PEX5L: variants seen among roughly 807,000 people sequenced by gnomAD.
PEX5L encodes peroxisomal biogenesis factor 5 like.
PEX5L carries 30 observed loss-of-function variants against 84.0 expected under a neutral mutation model. The ratio of observed to expected loss-of-function variants is 0.36; its 90% CI spans 0.27 to 0.48. The LOEUF (loss-of-function observed/expected upper bound fraction) is 0.48. Among genes scored for constraint, PEX5L ranks in the 20% least tolerant of loss-of-function variants. The probability of loss-of-function intolerance (pLI) is 0.99; values close to 1 mark genes in which losing one functional copy is unlikely to be tolerated. For missense variants in PEX5L, 533 were observed against 754.6 expected (o/e 0.71, Z 3.44); for synonymous variants, 270 against 283.1 (o/e 0.95, Z 0.46).
intron 9 of PEX5L, among the ~76,000 whole-genome samples, chr3:179,817,800 A>C (rs1163803747): frequency 6.6e-6 from 1 of 152,192 alleles, no homozygotes; most frequent in African/African-American, 2.4e-5. Context: ...CCCCATCAAA[A>C]GCCACAGGGT....
chr3:179,812,991 G>T (rs1290411196), intron 10 of PEX5L, among the ~76,000 whole-genome samples: 4 of 151,790 alleles, frequency 2.6e-5, no homozygotes, highest in Admixed American at 1.3e-4. Context: ...TCCTCTCATG[G>T]GTTATAATTA....
intron 2 of PEX5L, among the ~76,000 whole-genome samples, chr3:179,945,161 A>G (rs1179460513): frequency 1.3e-5 from 2 of 152,196 alleles, no homozygotes; most frequent in African/African-American, 4.8e-5. Context: ...CGTGGTCTTC[A>G]TATCACATCT....
intron 1 of PEX5L, among the ~76,000 whole-genome samples, chr3:180,016,636 T>C (rs1331817296): frequency 3.3e-5 from 5 of 152,176 alleles, no homozygotes; most frequent in Non-Finnish European, 7.4e-5. Flanking sequence ...GTGCTCTCAA[T>C]AAATGCCTGA....
At chr3:179,859,943 A>T (rs1447528670) in intron 7 of PEX5L, among the ~76,000 whole-genome samples, 2 of 152,256 alleles carry the variant, frequency 1.3e-5, no homozygotes, top group African/African-American at 4.8e-5. Context: ...AAAATTAATC[A>T]TAGAAAATAA....
intron 2 of PEX5L, among the ~76,000 whole-genome samples, chr3:179,943,507 C>T (rs919725868): frequency 9.2e-5 from 14 of 152,334 alleles, no homozygotes; most frequent in African/African-American, 3.4e-4. Context: ...GTGAGGAGAA[C>T]AGAAACTCAT....
intron 8 of PEX5L, among the ~76,000 whole-genome samples, chr3:179,857,678 T>C (rs1301052454): frequency 6.6e-6 from 1 of 152,246 alleles, no homozygotes; most frequent in Non-Finnish European, 1.5e-5. Context: ...CATTTAAATG[T>C]CTTTACTTAC....
chr3:179,946,723 A>G (rs1777648802), intron 2 of PEX5L, among the ~76,000 whole-genome samples: 1 of 152,220 alleles, frequency 6.6e-6, no homozygotes, highest in South Asian at 2.1e-4. Flanking sequence ...AAATCTTCAC[A>G]TTATTCCAGT....
chr3:179,856,870 T>C (rs1744178484), intron 8 of PEX5L, among the ~76,000 whole-genome samples: 1 of 152,140 alleles, frequency 6.6e-6, no homozygotes, highest in South Asian at 2.1e-4. Flanking sequence ...ACTTACAGGG[T>C]TTTAGTATAT....
chr3:179,935,846 ATTAG>A, intron 2 of PEX5L, among the ~76,000 whole-genome samples: 1 of 152,232 alleles, frequency 6.6e-6, no homozygotes, highest in African/African-American at 2.4e-5. Flanking sequence ...ATGGGACTGG[ATTAG>A]TTAGTGTGAG....
intron 8 of PEX5L, among the ~76,000 whole-genome samples, chr3:179,844,241 T>A (rs1179674002): frequency 6.6e-6 from 1 of 152,248 alleles, no homozygotes; most frequent in Non-Finnish European, 1.5e-5. Context: ...AATGGGGTCA[T>A]GTCTTTATTA....
chr3:180,028,956 T>C (rs1791204757), intron 1 of PEX5L, among the ~76,000 whole-genome samples: 1 of 152,208 alleles, frequency 6.6e-6, no homozygotes, highest in South Asian at 2.1e-4. Context: ...ATAAAGAAGC[T>C]AATGCACTTT....
intron 11 of PEX5L, among the ~76,000 whole-genome samples, chr3:179,810,116 CG>C (rs1422586631): frequency 7.3e-6 from 1 of 137,298 alleles, no homozygotes; most frequent in East Asian, 2.4e-4. Context: ...TGGACTCAAG[CG>C]ATTTTCCTGC....
At chr3:179,885,300 C>A (rs1755465800) in intron 4 of PEX5L, among the ~76,000 whole-genome samples, 1 of 152,096 alleles carries the variant, frequency 6.6e-6, no homozygotes, top group Non-Finnish European at 1.5e-5. Flanking sequence ...AACATGAGGT[C>A]ATATTAGAAT....
chr3:179,885,523 A>G lies in PEX5L; in HGVS notation c.310+2150T>C, dbSNP rs554970912. ...CAGCCAGTCGTGGTGGCAGGTGCCT[A>G]TAGTCCCAGCTACTTGGGAGGCTGA... On this transcript the variant is annotated intron_variant, in intron 4 of 14. Transcript: ENST00000467460. Among the ~76,000 whole-genome samples the G allele has an allele frequency of 3.9e-5, 6 of 152,124 alleles. No homozygotes were observed. The South Asian group carries it at 1.2e-3, about 32-fold the overall frequency.
intron 1 of PEX5L, among the ~76,000 whole-genome samples, chr3:180,029,202 A>AT (rs1372659023): frequency 2.0e-5 from 3 of 152,016 alleles, no homozygotes; most frequent in African/African-American, 7.2e-5. Context: ...TTATTTTGTT[A>AT]TTTTTTAATA....
intron 1 of PEX5L, among the ~76,000 whole-genome samples, chr3:179,980,302 T>C (rs886562759): frequency 6.6e-6 from 1 of 152,120 alleles, no homozygotes; most frequent in African/African-American, 2.4e-5. Flanking sequence ...AAATGACTTT[T>C]GAGGGTTATT....
At chr3:179,988,225 C>T (rs933487369) in intron 1 of PEX5L, among the ~76,000 whole-genome samples, 5 of 152,048 alleles carry the variant, frequency 3.3e-5, no homozygotes, top group Admixed American at 2.6e-4. Context: ...CATGATAAAA[C>T]CCCATCTCTA....
intron 2 of PEX5L, among the ~76,000 whole-genome samples, chr3:179,953,358 C>A (rs1052265835): frequency 6.6e-6 from 1 of 152,074 alleles, no homozygotes; most frequent in Admixed American, 6.6e-5. Flanking sequence ...ATCCATCTGA[C>A]GAAGGGCTAA....
At position 179,859,100 on chromosome 3, in the gene PEX5L, A is replaced by T. The variant is rs2108531546; in HGVS notation, c.784T>A (p.Leu262Ile). The change falls in exon 8 of 15, where the codon TTA (leucine) becomes ATA (isoleucine). Residue 262 changes from leucine to isoleucine, a missense_variant. Coordinates refer to ENST00000467460, the MANE Select transcript of PEX5L (RefSeq NM_016559.3). ...TTTGCCCTTTCAAACTCTTCTTCTAAGGAGTGGTTTCTAGAAAGTAATGCG... is the reference window on the plus strand; with the variant it reads ...TTTGCCCTTTCAAACTCTTCTTCTATGGAGTGGTTTCTAGAAAGTAATGCG... The part of the protein sequence containing the change: ...GSALLSRNHS[L>I]EEEFERAKAA... 6.2e-7 allele frequency: 1 copy of T among 1,614,106 alleles called. No homozygotes were observed. Among genetic ancestry groups the T allele is most frequent in the South Asian group, 1.1e-5 (1 of 91,084 alleles).
Sources: allele counts gnomAD v4.1 joint callset (sites outside exome capture counted in the v4.1 genomes callset), GRCh38; gene constraint gnomAD v4.1.1; transcripts MANE v1.5; gene names NCBI Gene and HGNC (gene_info 2026-07-23, HGNC 2026-07-21).